PCDH7: variants seen among roughly 807,000 people sequenced by gnomAD.
The protein encoded by PCDH7 is protocadherin 7.
Under a neutral mutation model 58.9 loss-of-function variants are expected in PCDH7, and 17 were observed. The observed-to-expected ratio is 0.29, with a 90% CI of 0.20 to 0.43. The LOEUF is 0.43. Ranked by LOEUF, PCDH7 falls within the 20% of genes least tolerant of loss-of-function variation. PCDH7 has a pLI of 1.00. For synonymous variants in PCDH7, 664 were observed against 616.4 expected (o/e 1.08, Z -1.14); for missense variants, 1,274 against 1,441.0 (o/e 0.88, Z 1.88).
At position 30,853,750 on chromosome 4, in the gene PCDH7, C is replaced by A. The variant is rs185014654; in HGVS notation, c.71-66403C>A. On this transcript the variant is annotated intron_variant, in intron 1 of 3. Coordinates refer to the PCDH7 transcript ENST00000509759. ...ATATATTTTGCTCTTCTATTAGCAT[C>A]CCTTTTTTTTCTGCTTAAAGTTAAA... is the stretch of plus-strand genomic sequence containing the variant. 3.5e-3 allele frequency among the ~76,000 whole-genome samples: 531 copies of A among 152,042 alleles called. 5 individuals carry two copies. The highest frequency in any genetic ancestry group is 0.012 in the African/African-American group (491 of 41,480).
intron 1 of PCDH7, among the ~76,000 whole-genome samples, chr4:30,841,925 C>A (rs1731264838): frequency 6.6e-6 from 1 of 151,916 alleles, no homozygotes. Flanking sequence ...ACATTTAAGA[C>A]CCTTACCACT....
chr4:31,089,211 A>T (rs1560214133), intron 3 of PCDH7, among the ~76,000 whole-genome samples: 1 of 152,114 alleles, frequency 6.6e-6, no homozygotes, highest in African/African-American at 2.4e-5. Context: ...GTATAATTGG[A>T]CTATGTCTTC....
intron 1 of PCDH7, among the ~76,000 whole-genome samples, chr4:30,874,887 A>G (rs11722728): frequency 6.6e-6 from 1 of 151,782 alleles, no homozygotes; most frequent in Non-Finnish European, 1.5e-5. Context: ...TTTTATTATT[A>G]TTATTTATTA....
chr4:30,868,891 TA>T (rs1398496699), intron 1 of PCDH7: 1 of 152,132 alleles, frequency 6.6e-6, no homozygotes, highest in African/African-American at 2.4e-5. Context: ...TTTTTGTCTT[TA>T]CTTGTTGAAG....
At chr4:30,731,228 C>T (rs1158375258) in exon 2 of PCDH7, 15 of 804,294 alleles carry the variant, frequency 1.9e-5, no homozygotes, top group Non-Finnish European at 2.1e-5. Flanking sequence ...TTTTTAAGTG[C>T]CATGTAATCA....
At chr4:30,881,186 C>T (rs956135736) in intron 1 of PCDH7, among the ~76,000 whole-genome samples, 2 of 152,128 alleles carry the variant, frequency 1.3e-5, no homozygotes, top group East Asian at 1.9e-4. Context: ...AACCCTGGAG[C>T]TTTTGGTGCC....
chr4:30,836,127 T>C (rs1465801734), intron 1 of PCDH7, among the ~76,000 whole-genome samples: 1 of 152,200 alleles, frequency 6.6e-6, no homozygotes, highest in Non-Finnish European at 1.5e-5. Context: ...GGATAGCTAA[T>C]GGAGAGGGCA....
At chr4:31,139,737 T>C (rs1720025817) in intron 3 of PCDH7, among the ~76,000 whole-genome samples, 2 of 152,258 alleles carry the variant, frequency 1.3e-5, no homozygotes, top group South Asian at 4.1e-4. Flanking sequence ...AGATTCACTT[T>C]AGTCAACCAA....
intron 1 of PCDH7, among the ~76,000 whole-genome samples, chr4:30,873,428 C>A (rs1211323526): frequency 7.9e-6 from 1 of 126,920 alleles, no homozygotes; most frequent in Non-Finnish European, 1.7e-5. Flanking sequence ...CAGAGAAAAA[C>A]CTCTTGGCTA....
intron 3 of PCDH7, among the ~76,000 whole-genome samples, chr4:31,136,679 C>G (rs1719638345): frequency 6.6e-6 from 1 of 152,168 alleles, no homozygotes. Flanking sequence ...GGATCACAAA[C>G]TGCTGGTCTG....
chr4:30,731,829 G>A (rs1197096780), exon 2 of PCDH7: 2 of 152,010 alleles, frequency 1.3e-5, no homozygotes, highest in African/African-American at 2.4e-5. Flanking sequence ...GTATGTTTAT[G>A]TCTTTATTTG....
At position 31,004,677 on chromosome 4, in the gene PCDH7, C is replaced by T. The variant is rs971761084; in HGVS notation, c.*7+54462C>T. Among the ~76,000 whole-genome samples, 18 of 152,304 alleles carry T rather than the reference C, an allele frequency of 1.2e-4. No homozygotes were observed. In the East Asian group the frequency reaches 3.3e-3, roughly 28 times the overall value. On this transcript the variant is annotated intron_variant, in intron 3 of 3. Transcript: ENST00000509759. Reference sequence around the variant, plus strand: ...CTCCAGCCTGGGCAACAGAGCGAAACTCTCATCTCAAAAAGAATGACGACA... The same window carrying T: ...CTCCAGCCTGGGCAACAGAGCGAAATTCTCATCTCAAAAAGAATGACGACA...
intron 1 of PCDH7, among the ~76,000 whole-genome samples, chr4:30,795,752 A>C (rs1366032239): frequency 6.6e-6 from 1 of 152,212 alleles, no homozygotes; most frequent in East Asian, 1.9e-4. Context: ...CTTGCTGTTT[A>C]CCAAGACTTT....
At chr4:30,959,179 T>C (rs928376772) in intron 3 of PCDH7, among the ~76,000 whole-genome samples, 2 of 152,076 alleles carry the variant, frequency 1.3e-5, no homozygotes, top group Non-Finnish European at 2.9e-5. Flanking sequence ...CTGATGAGAA[T>C]GACTGTTTTT....
chr4:30,742,808 T>C (rs1045489372), intron 1 of PCDH7, among the ~76,000 whole-genome samples: 2 of 152,180 alleles, frequency 1.3e-5, no homozygotes, highest in African/African-American at 4.8e-5. Context: ...TACTGCTTCA[T>C]ATCAAAAGAA....
At chr4:30,739,657 T>C (rs892533644) in intron 1 of PCDH7, among the ~76,000 whole-genome samples, 2 of 152,278 alleles carry the variant, frequency 1.3e-5, no homozygotes, top group African/African-American at 4.8e-5. Flanking sequence ...GTTTTACCTT[T>C]AATAAGAAAT....
At chr4:30,993,574 C>T (rs13116906) in intron 3 of PCDH7, among the ~76,000 whole-genome samples, 26,098 of 151,944 alleles carry the variant, frequency 0.17, 2,818 homozygotes, top group South Asian at 0.27. Flanking sequence ...AACAGCATTG[C>T]CATATCAGGG....
intron 3 of PCDH7, among the ~76,000 whole-genome samples, chr4:31,133,862 G>T (rs1719273869): frequency 6.6e-6 from 1 of 152,174 alleles, no homozygotes. Context: ...GGCAGTAAAT[G>T]CTTCTTGAGA....
intron 3 of PCDH7, among the ~76,000 whole-genome samples, chr4:31,135,539 C>G (rs1403087633): frequency 3.3e-5 from 5 of 152,104 alleles, no homozygotes; most frequent in Non-Finnish European, 7.4e-5. Context: ...TACTAGAAAA[C>G]TAACTGAAAA....
Sources: gnomAD v4.1 joint callset for allele counts (sites outside exome capture counted in the v4.1 genomes callset) on GRCh38, gnomAD v4.1.1 for gene constraint, MANE v1.5 for transcripts, NCBI Gene and HGNC (gene_info 2026-07-23, HGNC 2026-07-21) for gene names.